The following CACNG3 variants were observed in gnomAD, a reference collection of about 807,000 sequenced individuals.
CACNG3 encodes the protein calcium voltage-gated channel auxiliary subunit gamma 3.
A neutral mutation model predicts 28.5 loss-of-function variants in CACNG3; 3 were observed. The ratio of observed to expected loss-of-function variants is 0.11; its 90% CI spans 0.05 to 0.27. CACNG3 has a LOEUF of 0.27. CACNG3 is among the 10% of genes least tolerant of loss of function. The pLI is 1.00. For synonymous variants in CACNG3, 174 were observed against 162.2 expected (o/e 1.07, Z -0.55); for missense variants, 236 against 414.4 (o/e 0.57, Z 3.74).
intron 1 of CACNG3, among the ~76,000 whole-genome samples, chr16:24,313,814 G>A (rs1179303803): frequency 1.3e-5 from 2 of 150,888 alleles, no homozygotes; most frequent in Non-Finnish European, 3.0e-5. Context: ...GTGTGATCTC[G>A]GCTCACTGCA....
intron 2 of CACNG3, among the ~76,000 whole-genome samples, chr16:24,348,525 G>A (rs940362384): frequency 6.6e-6 from 1 of 152,210 alleles, no homozygotes; most frequent in Non-Finnish European, 1.5e-5. Context: ...TCAAAGAGGA[G>A]AGAAGGATGT....
intron 1 of CACNG3, among the ~76,000 whole-genome samples, chr16:24,258,410 C>T (rs758538214): frequency 5.9e-5 from 9 of 152,194 alleles, no homozygotes; most frequent in African/African-American, 7.2e-5. Flanking sequence ...GGTAATGCTG[C>T]AAAGTATCGC....
At chr16:24,346,407 G>A (rs932741463) in intron 1 of CACNG3, among the ~76,000 whole-genome samples, 2 of 152,028 alleles carry the variant, frequency 1.3e-5, no homozygotes, top group South Asian at 2.1e-4. Flanking sequence ...ACCTTTTGTT[G>A]TCACTATCAA....
intron 1 of CACNG3, among the ~76,000 whole-genome samples, chr16:24,304,864 A>G (rs1899164487): frequency 6.6e-6 from 1 of 152,064 alleles, no homozygotes; most frequent in Non-Finnish European, 1.5e-5. Context: ...GCCCAGCATG[A>G]TTTCTTAAGT....
intron 1 of CACNG3, among the ~76,000 whole-genome samples, chr16:24,264,874 A>G (rs1336048459): frequency 6.6e-6 from 1 of 152,234 alleles, no homozygotes; most frequent in East Asian, 1.9e-4. Context: ...GTGCATGTTT[A>G]TATCCCACTA....
intron 1 of CACNG3, among the ~76,000 whole-genome samples, chr16:24,293,649 C>T (rs1013309881): frequency 6.6e-6 from 1 of 152,102 alleles, no homozygotes; most frequent in African/African-American, 2.4e-5. Flanking sequence ...ACTTCAAAAC[C>T]TACACTAGAA....
At chr16:24,352,779 T>G (rs1411669736) in intron 2 of CACNG3, among the ~76,000 whole-genome samples, 4 of 151,724 alleles carry the variant, frequency 2.6e-5, no homozygotes. Flanking sequence ...ACCTCAGGTG[T>G]TCCTCCCGCC....
intron 1 of CACNG3, among the ~76,000 whole-genome samples, chr16:24,315,638 T>TTCTC (rs981556249): frequency 6.7e-6 from 1 of 149,890 alleles, no homozygotes; most frequent in Non-Finnish European, 1.5e-5. Context: ...CTCTCTTCCT[T>TTCTC]TCTCTCTCTC....
intron 1 of CACNG3, among the ~76,000 whole-genome samples, chr16:24,287,065 C>T (rs1449082078): frequency 6.6e-6 from 1 of 152,234 alleles, no homozygotes; most frequent in African/African-American, 2.4e-5. Context: ...CTTGCTCCTG[C>T]AAACAACTCA....
intron 1 of CACNG3, among the ~76,000 whole-genome samples, chr16:24,277,565 A>G (rs1898768211): frequency 6.6e-6 from 1 of 152,166 alleles, no homozygotes; most frequent in African/African-American, 2.4e-5. Flanking sequence ...ACTTGAGGTC[A>G]GGAGTTCGAG....
At chr16:24,357,107 G>A (rs1443766102) in intron 3 of CACNG3, among the ~76,000 whole-genome samples, 1 of 151,876 alleles carries the variant, frequency 6.6e-6, no homozygotes, top group East Asian at 1.9e-4. Context: ...GGTGGTGCAG[G>A]CCTGTAGTCA....
chr16:24,258,579 G>A (rs1169093751), intron 1 of CACNG3, among the ~76,000 whole-genome samples: 2 of 152,164 alleles, frequency 1.3e-5, no homozygotes, highest in Non-Finnish European at 1.5e-5. Context: ...CCTAAACAAT[G>A]ACAAAAGTTG....
At chr16:24,280,314 CTAA>C in intron 1 of CACNG3, among the ~76,000 whole-genome samples, 1 of 152,326 alleles carries the variant, frequency 6.6e-6, no homozygotes, top group South Asian at 2.1e-4. Context: ...TGGTTTCTGG[CTAA>C]TTTCCATTCC....
At chr16:24,261,680 G>A (rs1408277625) in intron 1 of CACNG3, among the ~76,000 whole-genome samples, 1 of 152,102 alleles carries the variant, frequency 6.6e-6, no homozygotes, top group African/African-American at 2.4e-5. Context: ...AGAAAAGAAA[G>A]CCCACTTATT....
chr16:24,290,088 A>G (rs891437732), intron 1 of CACNG3, among the ~76,000 whole-genome samples: 4 of 152,286 alleles, frequency 2.6e-5, no homozygotes, highest in Non-Finnish European at 5.9e-5. Context: ...CAGAAACTCT[A>G]CTGTAACACT....
chr16:24,281,695 G>C (rs748614386), intron 1 of CACNG3, among the ~76,000 whole-genome samples: 1 of 152,104 alleles, frequency 6.6e-6, no homozygotes, highest in South Asian at 2.1e-4. Context: ...AAGTAGGAGG[G>C]GCATAGATCC....
chr16:24,272,027 A>G (rs1300291673), intron 1 of CACNG3, among the ~76,000 whole-genome samples: 2 of 152,174 alleles, frequency 1.3e-5, no homozygotes, highest in Non-Finnish European at 2.9e-5. Context: ...CAGAGGGGAA[A>G]GAGAACATGG....
intron 1 of CACNG3, among the ~76,000 whole-genome samples, chr16:24,327,548 A>C (rs536840070): frequency 6.7e-6 from 1 of 149,198 alleles, no homozygotes; most frequent in East Asian, 2.0e-4. Flanking sequence ...TGAGCTCAGG[A>C]GTTAAAGGAT....
intron 1 of CACNG3, among the ~76,000 whole-genome samples, chr16:24,265,270 A>AGAAT (rs1567206340): frequency 2.1e-5 from 3 of 140,880 alleles, no homozygotes; most frequent in Admixed American, 6.8e-5. Context: ...AAGAAGCGAG[A>AGAAT]GAAGGAAGGA....
Sources: allele counts gnomAD v4.1 joint callset (sites outside exome capture counted in the v4.1 genomes callset), GRCh38; gene constraint gnomAD v4.1.1; transcripts MANE v1.5; gene names NCBI Gene and HGNC (gene_info 2026-07-23, HGNC 2026-07-21).